G2E3: variants seen among roughly 807,000 people sequenced by gnomAD.
G2E3 encodes the protein G2/M phase-specific E3 ubiquitin-protein ligase.
G2E3 carries 35 observed loss-of-function variants against 92.8 expected under a neutral mutation model. The ratio of observed to expected loss-of-function variants is 0.38; its 90% CI spans 0.29 to 0.50. G2E3 has a LOEUF of 0.50. Ranked by LOEUF, G2E3 falls within the 20% of genes least tolerant of loss-of-function variation. The probability of loss-of-function intolerance (pLI) is 0.94; values close to 1 mark genes in which losing one functional copy is unlikely to be tolerated. For missense variants in G2E3, 554 were observed against 823.8 expected (o/e 0.67, Z 4.01); for synonymous variants, 242 against 272.4 (o/e 0.89, Z 1.10).
chr14:30,562,594 G>A lies in G2E3; in HGVS notation c.-5+3322G>A, dbSNP rs554142723. Among the ~76,000 whole-genome samples, 388 of 152,196 alleles carry A rather than the reference G, an allele frequency of 2.5e-3. 2 individuals carry two copies. The highest frequency in any genetic ancestry group is 9.0e-3 in the African/African-American group (375 of 41,562). ...ACCCGCTACTTAGCAGACCGGGAAA[G>A]GGAGTCTCCCTTTCCCCGGGGGAGT... On this transcript the variant is annotated intron_variant, in intron 1 of 14. Coordinates refer to ENST00000206595, the MANE Select transcript of G2E3 (RefSeq NM_017769.5).
chr14:30,570,964 A>G (rs1879724953), intron 1 of G2E3, among the ~76,000 whole-genome samples: 1 of 152,178 alleles, frequency 6.6e-6, no homozygotes. Context: ...GATGAGCAGA[A>G]GATACTAACT....
At chr14:30,595,098 A>G (rs762682478) in intron 6 of G2E3, among the ~76,000 whole-genome samples, 9 of 152,090 alleles carry the variant, frequency 5.9e-5, no homozygotes, top group Non-Finnish European at 1.0e-4. Context: ...AGATAGCACC[A>G]CTGCACTCCT....
In G2E3 at chr14:30,605,638, C is replaced by T. The variant is rs774856720; in HGVS notation, c.1144C>T (p.Arg382Ter). 2 of 1,606,376 alleles carry T rather than the reference C, an allele frequency of 1.2e-6. No homozygotes were observed. The part of the protein sequence containing the change: ...WNSALDAFRN[R>*]NFNPSYAIEV... ...TAGTGCCTTAGATGCATTCAGAAAT[C>T]GAAACTTTAATCCTTCATATGCAAT... is the stretch of plus-strand genomic sequence containing the variant. Residue 382 changes from arginine to a stop codon, truncating the protein, a stop_gained, in exon 11 of 15, where the codon CGA (arginine) becomes TGA (stop). Coordinates refer to ENST00000206595, the MANE Select transcript of G2E3 (RefSeq NM_017769.5). LOFTEE classifies it high-confidence loss of function.
At chr14:30,607,834 G>A in intron 11 of G2E3, 54 bp from the exon 12 acceptor site, 1 of 900,866 alleles carries the variant, frequency 1.1e-6, no homozygotes, top group East Asian at 2.9e-5. Flanking sequence ...AAAAAATGAT[G>A]GTTATCTTAT....
chr14:30,595,509 C>A (rs541584759), intron 6 of G2E3, among the ~76,000 whole-genome samples: 2 of 152,068 alleles, frequency 1.3e-5, no homozygotes, highest in East Asian at 3.9e-4. Context: ...TTAATTTTGT[C>A]GTTAAAAAAG....
chr14:30,619,104 A>C lies in G2E3; in HGVS notation c.*2570A>C, dbSNP rs551864945. On this transcript the variant is annotated 3_prime_UTR_variant, in exon 15 of 15. Transcript: ENST00000206595. ...AACACCTTTTATACAATTCTCTACT[A>C]TTCAAGATATTCTTTAAAATATCTC... 1 of 152,084 alleles carries C rather than the reference A, an allele frequency of 6.6e-6. No individual in the cohort carries two copies. The allele number at this position is 152,084 out of a possible 1,614,324, so 9.4% of individuals were successfully genotyped here. A position where few individuals can be genotyped will look rare whatever the true frequency, so the allele number is the denominator to read the frequency against.
intron 10 of G2E3, among the ~76,000 whole-genome samples, chr14:30,604,320 C>G (rs549626880): frequency 2.0e-5 from 3 of 152,346 alleles, no homozygotes; most frequent in African/African-American, 7.2e-5. Flanking sequence ...CTGGCCTACA[C>G]TAGGGCACTG....
At chr14:30,605,415 C>T in intron 10 of G2E3, 90 bp from the exon 11 acceptor site, 3 of 492,120 alleles carry the variant, frequency 6.1e-6, no homozygotes, top group Non-Finnish European at 1.1e-5. Flanking sequence ...TCTTTTTTTC[C>T]CCTCGTCTTG....
intron 13 of G2E3, 85 bp from the exon 14 acceptor site, chr14:30,615,264 G>A (rs984653748): frequency 9.2e-6 from 6 of 653,652 alleles, no homozygotes; most frequent in Non-Finnish European, 1.5e-5. Flanking sequence ...TTGAAAACAT[G>A]CCAGATAAAA....
chr14:30,570,959 G>C (rs1229136042), intron 1 of G2E3, among the ~76,000 whole-genome samples: 1 of 152,100 alleles, frequency 6.6e-6, no homozygotes, highest in Non-Finnish European at 1.5e-5. Context: ...CTTTTGATGA[G>C]CAGAAGATAC....
intron 3 of G2E3, among the ~76,000 whole-genome samples, chr14:30,587,219 G>GA (rs2138837042): frequency 6.6e-6 from 1 of 152,234 alleles, no homozygotes; most frequent in East Asian, 1.9e-4. Flanking sequence ...CACAGAACCT[G>GA]AAAAGAAACG....
chr14:30,613,466 T>C (rs1372659792), intron 13 of G2E3, among the ~76,000 whole-genome samples: 1 of 152,326 alleles, frequency 6.6e-6, no homozygotes, highest in East Asian at 1.9e-4. Flanking sequence ...ATGTGAGCCT[T>C]AATGGTCTTT....
At chr14:30,573,409 ATG>A (rs10552989) in intron 1 of G2E3, 59,915 of 148,508 alleles carry the variant, frequency 0.4, 14,642 homozygotes, top group African/African-American at 0.69. Flanking sequence ...ACAACAGGAT[ATG>A]TGTGTGTGTG....
intron 1 of G2E3, among the ~76,000 whole-genome samples, chr14:30,580,243 G>T (rs1017177360): frequency 3.3e-5 from 5 of 152,122 alleles, no homozygotes; most frequent in African/African-American, 1.2e-4. Context: ...TTTCGCTGTT[G>T]TTGCCCAAGC....
chr14:30,562,803 G>C (rs1359904912), intron 1 of G2E3, among the ~76,000 whole-genome samples: 2 of 152,192 alleles, frequency 1.3e-5, no homozygotes, highest in African/African-American at 4.8e-5. Context: ...TAGCAAATTA[G>C]GGAAAGTACT....
In G2E3 at chr14:30,605,826, T is replaced by C; in HGVS notation, c.1318+14T>C. On this transcript the variant is annotated intron_variant, in intron 11 of 14. Transcript: ENST00000206595. ...TAAATTCTCAAGGTAATTATTTTAT[T>C]TATTGTTGTATATACCAAATATCAC... 1.4e-6 allele frequency: 2 copies of C among 1,418,392 alleles called. No homozygotes were observed. The highest frequency in any genetic ancestry group is 1.9e-6 in the Non-Finnish European group (2 of 1,041,412). 87.9% of individuals were successfully genotyped at this position (1,418,392 alleles called of 1,614,324 possible).
At chr14:30,574,680 G>A (rs1158501990) in intron 1 of G2E3, 1 of 152,094 alleles carries the variant, frequency 6.6e-6, no homozygotes, top group Non-Finnish European at 1.5e-5. Context: ...GCGGTATTTG[G>A]TTTTTTGTTC....
chr14:30,610,750 A>C (rs566964555), intron 12 of G2E3, among the ~76,000 whole-genome samples: 1 of 152,324 alleles, frequency 6.6e-6, no homozygotes, highest in Admixed American at 6.5e-5. Flanking sequence ...CAAACAAGGC[A>C]GATGTTTACT....
intron 1 of G2E3, among the ~76,000 whole-genome samples, chr14:30,568,117 A>G (rs1199412666): frequency 6.6e-6 from 1 of 152,022 alleles, no homozygotes; most frequent in African/African-American, 2.4e-5. Flanking sequence ...TTGTGTTTAT[A>G]ATTGTCATGT....
Sources: allele counts gnomAD v4.1 joint callset (sites outside exome capture counted in the v4.1 genomes callset), GRCh38; gene constraint gnomAD v4.1.1; transcripts MANE v1.5; gene names NCBI Gene and HGNC (gene_info 2026-07-23, HGNC 2026-07-21).